Variants in C16orf96 observed in about 807,000 individuals in gnomAD.
C16orf96 encodes chromosome 16 open reading frame 96.
C16orf96 carries 108 observed loss-of-function variants against 103.6 expected under a neutral mutation model. The observed-to-expected ratio is 1.04, with a 90% CI of 0.89 to 1.22. C16orf96 has a LOEUF of 1.22. Ranked by LOEUF, C16orf96 falls within the 50% of genes most tolerant of loss-of-function variation. The pLI is 0.00. For missense variants in C16orf96, 1,586 were observed against 1,464.2 expected (o/e 1.08, Z -1.36); for synonymous variants, 566 against 593.5 (o/e 0.95, Z 0.67).
At chr16:4,563,217 G>A in intron 1 of C16orf96, 2 of 578,734 alleles carry the variant, frequency 3.5e-6, no homozygotes, top group Admixed American at 5.0e-5. Flanking sequence ...TCTAGCAGTG[G>A]AACACCCTCT....
upstream of C16orf96, among the ~76,000 whole-genome samples, chr16:4,555,091 CATCTCCACTAAAAATATAAAA>C (rs2059250062): frequency 6.6e-6 from 1 of 151,556 alleles, no homozygotes; most frequent in African/African-American, 2.4e-5. Flanking sequence ...GGTGAAACCC[CATCTCCACTAAAAATATAAAA>C]ATTAGCTGGG....
At chr16:4,548,216 G>T in the C16orf96 span, among the ~76,000 whole-genome samples, 1 of 152,150 alleles carries the variant, frequency 6.6e-6, no homozygotes, top group Non-Finnish European at 1.5e-5. Flanking sequence ...GTCAGATCAG[G>T]AGCCCACGGC....
upstream of C16orf96, among the ~76,000 whole-genome samples, chr16:4,556,237 G>C (rs1371176439): frequency 6.6e-6 from 1 of 152,134 alleles, no homozygotes; most frequent in African/African-American, 2.4e-5. Context: ...TCTGGGTGAG[G>C]CTTACCAGGG....
chr16:4,584,685 C>A (rs1896876704), intron 7 of C16orf96, among the ~76,000 whole-genome samples: 1 of 152,114 alleles, frequency 6.6e-6, no homozygotes, highest in African/African-American at 2.4e-5. Context: ...CAGGCGTTTG[C>A]CACCACACTC....
At position 4,588,350 on chromosome 16, in the gene C16orf96, A is replaced by G; in HGVS notation, c.2592+19A>G. On this transcript the variant is annotated intron_variant, in intron 9 of 15. Transcript: ENST00000444310. ...CACCAAGGTGAATGCCCCCATGTTG[A>G]TTTTCACTTTATTCCTAACAAATTA... 2 of 1,538,376 alleles carry G rather than the reference A, an allele frequency of 1.3e-6. No homozygotes were observed. The highest frequency in any genetic ancestry group is 1.4e-5 in the African/African-American group (1 of 72,952).
the C16orf96 span, among the ~76,000 whole-genome samples, chr16:4,549,661 G>T: frequency 2.0e-5 from 3 of 151,938 alleles, no homozygotes; most frequent in Admixed American, 6.6e-5. Context: ...AGCCGGGCAG[G>T]GTTGCGGGCG....
chr16:4,581,185 A>ATAT (rs1785105852), intron 7 of C16orf96, among the ~76,000 whole-genome samples: 2 of 61,328 alleles, frequency 3.3e-5, no homozygotes, highest in Non-Finnish European at 7.9e-5. Flanking sequence ...TATATATATA[A>ATAT]TTAGCCAGGC....
upstream of C16orf96, among the ~76,000 whole-genome samples, chr16:4,556,097 G>T (rs1027641002): frequency 6.6e-6 from 1 of 152,082 alleles, no homozygotes; most frequent in Non-Finnish European, 1.5e-5. Flanking sequence ...TCCAAGGAGG[G>T]AGCTGCCTCT....
chr16:4,586,183 C>G (rs1896924173), intron 7 of C16orf96, among the ~76,000 whole-genome samples: 1 of 152,144 alleles, frequency 6.6e-6, no homozygotes, highest in African/African-American at 2.4e-5. Context: ...TCTCTTGAAC[C>G]CGGGAGGCGG....
At chr16:4,580,313 C>CA (rs1236465791) in intron 7 of C16orf96, among the ~76,000 whole-genome samples, 188 bp downstream of exon 7, 1 of 122,840 alleles carries the variant, frequency 8.1e-6, no homozygotes, top group African/African-American at 2.7e-5. Context: ...TCCCACCACC[C>CA]CCCCCCACCC....
intron 14 of C16orf96, among the ~76,000 whole-genome samples, chr16:4,597,754 G>A (rs1299119892): frequency 6.6e-6 from 1 of 152,064 alleles, no homozygotes; most frequent in African/African-American, 2.4e-5. Context: ...ATGGGGTTTT[G>A]CCATGTTGGC....
chr16:4,584,124 G>A (rs996446560), intron 7 of C16orf96, among the ~76,000 whole-genome samples: 2 of 152,112 alleles, frequency 1.3e-5, no homozygotes, highest in Non-Finnish European at 2.9e-5. Flanking sequence ...ACAAATGCAG[G>A]ATGGGAGCAA....
intron 2 of C16orf96, among the ~76,000 whole-genome samples, chr16:4,573,438 C>CA (rs71139644): frequency 0.23 from 15,705 of 69,654 alleles, 1,614 homozygotes; most frequent in African/African-American, 0.24. Context: ...GACTCCGTCT[C>CA]AAAAAAAAAA....
At chr16:4,566,499 C>T (rs1397392105) in intron 1 of C16orf96, among the ~76,000 whole-genome samples, 1 of 152,092 alleles carries the variant, frequency 6.6e-6, no homozygotes, top group Non-Finnish European at 1.5e-5. Context: ...AATGTCTATT[C>T]AGATCTTTGC....
chr16:4,585,584 T>TG (rs959816060), intron 7 of C16orf96, among the ~76,000 whole-genome samples: 1 of 152,242 alleles, frequency 6.6e-6, no homozygotes, highest in African/African-American at 2.4e-5. Flanking sequence ...GCCCAGGCTT[T>TG]GGAACAGACG....
At chr16:4,541,191 C>T in the C16orf96 span, among the ~76,000 whole-genome samples, 8 of 152,182 alleles carry the variant, frequency 5.3e-5, no homozygotes, top group Admixed American at 1.3e-4. Flanking sequence ...GGATTACAGG[C>T]GTGAGCCACC....
intron 6 of C16orf96, 87 bp downstream of exon 6, chr16:4,579,112 G>A: frequency 4.2e-6 from 5 of 1,202,950 alleles, no homozygotes; most frequent in East Asian, 2.6e-5. Flanking sequence ...CCCCTCCCAG[G>A]TGCAGCTGTG....
intron 9 of C16orf96, among the ~76,000 whole-genome samples, chr16:4,591,280 G>T (rs1308578589): frequency 6.6e-6 from 1 of 152,178 alleles, no homozygotes; most frequent in Non-Finnish European, 1.5e-5. Context: ...CCATAAACCT[G>T]CCCACTTTAC....
In C16orf96 at chr16:4,576,064, C is replaced by T. The variant is rs1264551045; in HGVS notation, c.1584C>T (p.Val528=). Residue 528 remains valine, a synonymous_variant, in exon 5 of 16, where the codon GTC becomes GTT. Coordinates refer to ENST00000444310, the MANE Select transcript of C16orf96 (RefSeq NM_001145011.2). Reference sequence around the variant, plus strand: ...AGGATAGAGCTCACAAGGATGATGTCCCCAAAGATAGAGGTGGCAAAGATG... The same window carrying T: ...AGGATAGAGCTCACAAGGATGATGTTCCCAAAGATAGAGGTGGCAAAGATG... ...DPKDRAHKDD[V]PKDRGGKDGD... The T allele has an allele frequency of 2.6e-6, 4 of 1,551,222 alleles. No individual in the cohort carries two copies. Among genetic ancestry groups the T allele is most frequent in the Non-Finnish European group, 8.7e-7 (1 of 1,146,896 alleles).
Sources: gnomAD v4.1 joint callset for allele counts (sites outside exome capture counted in the v4.1 genomes callset) on GRCh38, gnomAD v4.1.1 for gene constraint, MANE v1.5 for transcripts, NCBI Gene and HGNC (gene_info 2026-07-23, HGNC 2026-07-21) for gene names.